DOCK10: variants seen among roughly 807,000 people sequenced by gnomAD.
The protein encoded by DOCK10 is dedicator of cytokinesis 10.
In DOCK10, 145 loss-of-function variants were observed where a neutral mutation model predicts 280.1. The observed-to-expected ratio is 0.52, with a 90% confidence interval of 0.45 to 0.59. DOCK10 has a LOEUF of 0.59. Ranked by LOEUF, DOCK10 falls within the 20% of genes least tolerant of loss-of-function variation. The pLI, the probability that DOCK10 is intolerant of heterozygous loss-of-function variation, is 0.00. For synonymous variants in DOCK10, 915 were observed against 942.2 expected (o/e 0.97, Z 0.53); for missense variants, 2,368 against 2,651.7 (o/e 0.89, Z 2.35).
chr2:224,877,394 C>A (rs757116815), intron 7 of DOCK10, among the ~76,000 whole-genome samples: 2 of 127,522 alleles, frequency 1.6e-5, no homozygotes, highest in Non-Finnish European at 3.5e-5. Context: ...GTGGTGGGTT[C>A]AAAACCAGTC....
Position 224,874,247 on chromosome 2 carries a change from A to G in DOCK10, c.1101+19T>C, listed in dbSNP as rs772779868. On this transcript the variant is annotated intron_variant, in intron 10 of 55. Coordinates refer to ENST00000258390, the MANE Select transcript of DOCK10 (RefSeq NM_014689.3). ...GTATGGATCAAGTTCATATCTGCTT[A>G]GAAAAAATTTTGACTTACATCTATG... is the stretch of plus-strand genomic sequence containing the variant. 1.2e-5 allele frequency: 19 copies of G among 1,609,332 alleles called. No individual in the cohort carries two copies. The highest frequency in any genetic ancestry group is 1.5e-5 in the Non-Finnish European group (18 of 1,177,628).
intron 14 of DOCK10, among the ~76,000 whole-genome samples, chr2:224,859,983 GCTAA>G (rs1193591136): frequency 1.3e-5 from 2 of 152,136 alleles, no homozygotes; most frequent in East Asian, 1.9e-4. Context: ...GAATTGTGCT[GCTAA>G]CTATTTTTCT....
Position 224,796,158 on chromosome 2 carries a change from G to A in DOCK10, c.4938+158C>T, listed in dbSNP as rs568629817. ...ACTGCAGCCTCAACTCAAACTCCTGGCCTCAAGCGATCCTCCTGCCTTGGC... is the reference window on the plus strand; with the variant it reads ...ACTGCAGCCTCAACTCAAACTCCTGACCTCAAGCGATCCTCCTGCCTTGGC... On this transcript the variant is annotated intron_variant, in intron 44 of 55. Coordinates refer to ENST00000258390, the MANE Select transcript of DOCK10 (RefSeq NM_014689.3). 1.6e-4 allele frequency among the ~76,000 whole-genome samples: 24 copies of A among 151,986 alleles called. No individual in the cohort carries two copies. In the Middle Eastern group the frequency reaches 0.01, roughly 65 times the overall value.
At chr2:224,877,914 C>T (rs1195452037) in intron 7 of DOCK10, among the ~76,000 whole-genome samples, 2 of 152,110 alleles carry the variant, frequency 1.3e-5, no homozygotes, top group Non-Finnish European at 2.9e-5. Context: ...ATTCCTATAC[C>T]GGTGTCCAGC....
chr2:224,874,730 G>A lies in DOCK10; in HGVS notation c.953C>T (p.Thr318Ile), dbSNP rs761069813. The change falls in exon 9 of 56, where the codon ACT becomes ATT. Residue 318 changes from threonine to isoleucine, a missense_variant. Coordinates refer to ENST00000258390, the MANE Select transcript of DOCK10 (RefSeq NM_014689.3). ...TGTTTCCTCTGGCGTGCATTCACAAGTTACAGAATTATCCAGCGAATCTTA... is the reference window on the plus strand; with the variant it reads ...TGTTTCCTCTGGCGTGCATTCACAAATTACAGAATTATCCAGCGAATCTTA... ...LGLDSLDNSV[T>I]CECTPEETDS... is the part of the protein sequence containing the mutation. The A allele has an allele frequency of 4.3e-6, 7 of 1,613,706 alleles. No individual in the cohort carries two copies. The highest frequency in any genetic ancestry group is 4.2e-6 in the Non-Finnish European group (5 of 1,179,780).
chr2:224,873,864 GTTAATAATA>G, intron 11 of DOCK10, 123 bp downstream of exon 11: 1 of 910,060 alleles, frequency 1.1e-6, no homozygotes, highest in South Asian at 2.0e-5. Flanking sequence ...GGAAAAGGCT[GTTAATAATA>G]TTCCCTGGTA....
chr2:224,787,537 C>T lies in DOCK10; in HGVS notation c.5419-140G>A. On this transcript the variant is annotated intron_variant, in intron 48 of 55. Coordinates refer to ENST00000258390, the MANE Select transcript of DOCK10 (RefSeq NM_014689.3). Reference sequence around the variant, plus strand: ...AAAACCCAGCAGGGGATCGTGGTGTCATCTTGGATTCTTGCCTATCCCGCA... The same window carrying T: ...AAAACCCAGCAGGGGATCGTGGTGTTATCTTGGATTCTTGCCTATCCCGCA... 3 of 1,055,816 alleles carry T rather than the reference C, an allele frequency of 2.8e-6. No individual in the cohort carries two copies. The South Asian group carries it at 4.5e-5, about 16-fold the overall frequency. 65.4% of individuals were successfully genotyped at this position (1,055,816 alleles called of 1,614,324 possible).
intron 1 of DOCK10, among the ~76,000 whole-genome samples, chr2:224,997,891 G>A (rs1050416543): frequency 4.6e-5 from 7 of 152,168 alleles, no homozygotes; most frequent in Admixed American, 1.3e-4. Context: ...CTGGTGGCTC[G>A]AAGAGAGCCT....
intron 47 of DOCK10, among the ~76,000 whole-genome samples, chr2:224,789,675 G>C (rs997426907): frequency 4.6e-5 from 7 of 152,064 alleles, no homozygotes; most frequent in African/African-American, 1.4e-4. Flanking sequence ...AGGAGTTTGG[G>C]GCTGGAGTGA....
intron 9 of DOCK10, 39 bp downstream of exon 9, chr2:224,874,627 T>C: frequency 1.3e-6 from 2 of 1,552,944 alleles, no homozygotes; most frequent in East Asian, 2.2e-5. Context: ...TAACAAATAA[T>C]TCAAATTGGT....
chr2:224,967,940 G>T (rs570942048), intron 1 of DOCK10, among the ~76,000 whole-genome samples: 13 of 152,012 alleles, frequency 8.6e-5, no homozygotes, highest in Non-Finnish European at 1.8e-4. Context: ...AAATGGAGAG[G>T]CTTTACTCTG....
At chr2:224,958,593 T>TGGA (rs1704188522) in intron 1 of DOCK10, among the ~76,000 whole-genome samples, 1 of 152,166 alleles carries the variant, frequency 6.6e-6, no homozygotes, top group Admixed American at 6.5e-5. Flanking sequence ...ATTATCCTAT[T>TGGA]TCTGTCATCT....
intron 1 of DOCK10, among the ~76,000 whole-genome samples, chr2:224,996,146 C>T (rs1706267624): frequency 6.6e-6 from 1 of 152,238 alleles, no homozygotes; most frequent in Admixed American, 6.5e-5. Context: ...CTCTTCATCA[C>T]ACTGTGTGAT....
Position 224,805,564 on chromosome 2 carries a change from G to A in DOCK10, c.3815-35C>T. On this transcript the variant is annotated intron_variant, in intron 34 of 55. Coordinates refer to ENST00000258390, the MANE Select transcript of DOCK10 (RefSeq NM_014689.3). This position sits in a 1 kb window ranked among gnomAD's most constrained non-coding sequence, Gnocchi z 4.3. The stretch of plus-strand genomic sequence containing the variant: ...CAAGCCACAGCACACGTATGGGAAT[G>A]AGATGTATGGGCACACACACACAAA... The A allele has an allele frequency of 6.2e-7, 1 of 1,609,604 alleles. No individual in the cohort carries two copies. The highest frequency in any genetic ancestry group is 8.5e-7 in the Non-Finnish European group (1 of 1,177,786).
In DOCK10 at chr2:225,041,540, A is replaced by G. The variant is rs200361767; in HGVS notation, c.123+712T>C. 1.5e-4 allele frequency among the ~76,000 whole-genome samples: 23 copies of G among 152,330 alleles called. No individual in the cohort carries two copies. In the East Asian group the frequency reaches 4.4e-3, roughly 29 times the overall value. On this transcript the variant is annotated intron_variant, in intron 1 of 55. Coordinates refer to ENST00000258390, the MANE Select transcript of DOCK10 (RefSeq NM_014689.3). ...TCACCCAGCACTTAGAAGCCGTTTC[A>G]ATAAGGAAGTAACCAGTAAAGCATT...
At chr2:224,824,493 A>C (rs1694718475) in intron 27 of DOCK10, among the ~76,000 whole-genome samples, 1 of 135,390 alleles carries the variant, frequency 7.4e-6, no homozygotes, top group African/African-American at 3.0e-5. Context: ...TTGGAGTGCA[A>C]TGGTGTGATC....
intron 50 of DOCK10, among the ~76,000 whole-genome samples, chr2:224,779,575 A>T (rs1691153037): frequency 6.6e-6 from 1 of 152,220 alleles, no homozygotes; most frequent in Non-Finnish European, 1.5e-5. Context: ...CTGGATGTCA[A>T]AAGGAAACTT....
At chr2:224,806,079 A>AGGTGGATGAGG (rs745923140) in intron 34 of DOCK10, 47 bp downstream of exon 34, 63 of 1,101,652 alleles carry the variant, frequency 5.7e-5, no homozygotes, top group Non-Finnish European at 6.7e-6. Flanking sequence ...TACAATGTAA[A>AGGTGGATGAGG]GGTGGATGAG....
intron 11 of DOCK10, among the ~76,000 whole-genome samples, chr2:224,871,002 T>C (rs1266825649): frequency 6.6e-6 from 1 of 151,870 alleles, no homozygotes; most frequent in African/African-American, 2.4e-5. Context: ...AATTTTTGTA[T>C]TTTTTGTAGA....
Sources: allele counts gnomAD v4.1 joint callset (sites outside exome capture counted in the v4.1 genomes callset), GRCh38; gene constraint gnomAD v4.1.1; non-coding constraint Gnocchi (gnomAD v3.1); transcripts MANE v1.5; gene names NCBI Gene and HGNC (gene_info 2026-07-23, HGNC 2026-07-21).